The following GRID2 variants were observed in gnomAD, a reference collection of about 807,000 sequenced individuals.
GRID2 encodes the protein glutamate receptor ionotropic, delta-2.
In GRID2, 33 loss-of-function variants were observed where a neutral mutation model predicts 114.8. That is an observed-to-expected ratio of 0.29 (90% CI 0.22 to 0.38). GRID2 has a LOEUF of 0.38. Among genes scored for constraint, GRID2 ranks in the 10% least tolerant of loss-of-function variants. The pLI, the probability that GRID2 is intolerant of heterozygous loss-of-function variation, is 1.00. For synonymous variants in GRID2, 505 were observed against 449.9 expected (o/e 1.12, Z -1.55); for missense variants, 1,184 against 1,257.7 (o/e 0.94, Z 0.89).
chr4:92,559,597 G>A (rs555425176), intron 1 of GRID2, among the ~76,000 whole-genome samples: 4 of 152,138 alleles, frequency 2.6e-5, no homozygotes, highest in African/African-American at 9.7e-5. Context: ...CACAGTCAAA[G>A]CAAGGTATGA....
Position 92,476,832 on chromosome 4 carries a change from A to T in GRID2, c.89-113299A>T, listed in dbSNP as rs556546184. 7.3e-3 allele frequency among the ~76,000 whole-genome samples: 1,116 copies of T among 152,282 alleles called. 12 individuals carry two copies. The highest frequency in any genetic ancestry group is 0.025 in the African/African-American group (1,030 of 41,550). ...TGGTGTTGCATAATGATGGAATTTT[A>T]AAAATATGTCAGTGAAATTCATTTA... On this transcript the variant is annotated intron_variant, in intron 1 of 15. Transcript: ENST00000282020.
intron 1 of GRID2, among the ~76,000 whole-genome samples, chr4:92,401,963 C>G (rs1220667756): frequency 6.6e-6 from 1 of 152,196 alleles, no homozygotes; most frequent in Non-Finnish European, 1.5e-5. Flanking sequence ...TCTCACTGTG[C>G]AGCTGCTTTA....
intron 2 of GRID2, among the ~76,000 whole-genome samples, chr4:93,066,540 A>T (rs963881498): frequency 1.9e-4 from 29 of 152,048 alleles, no homozygotes; most frequent in African/African-American, 7.0e-4. Flanking sequence ...TACATCCGAG[A>T]CTTCTGGTAG....
At chr4:93,222,205 AT>A (rs1292982864) in intron 6 of GRID2, among the ~76,000 whole-genome samples, 2 of 152,130 alleles carry the variant, frequency 1.3e-5, no homozygotes, top group Admixed American at 6.6e-5. Context: ...GGAGGAATTT[AT>A]TTTTTTGTGG....
At chr4:92,345,296 A>C (rs1220934353) in intron 1 of GRID2, among the ~76,000 whole-genome samples, 1 of 152,226 alleles carries the variant, frequency 6.6e-6, no homozygotes, top group Admixed American at 6.5e-5. Flanking sequence ...ATTTCATTCC[A>C]TTTATGGCTG....
intron 1 of GRID2, among the ~76,000 whole-genome samples, chr4:93,796,986 C>G (rs577186480): frequency 2.6e-5 from 4 of 152,290 alleles, no homozygotes; most frequent in Admixed American, 1.3e-4. Flanking sequence ...GGTGTACTTA[C>G]CCAAACCTAG....
chr4:93,689,966 C>T (rs1050816828), intron 14 of GRID2, among the ~76,000 whole-genome samples: 8 of 151,954 alleles, frequency 5.3e-5, no homozygotes, highest in African/African-American at 1.9e-4. Flanking sequence ...TCCTATCACC[C>T]AAAGATAACT....
At chr4:92,741,401 C>T (rs375092917) in intron 2 of GRID2, among the ~76,000 whole-genome samples, 3 of 152,048 alleles carry the variant, frequency 2.0e-5, no homozygotes, top group African/African-American at 7.2e-5. Flanking sequence ...CTTATAGGTC[C>T]CTATTTTAGA....
At chr4:93,320,574 ATATCTAAGGAC>A (rs1254461477) in intron 8 of GRID2, among the ~76,000 whole-genome samples, 1 of 152,096 alleles carries the variant, frequency 6.6e-6, no homozygotes, top group Non-Finnish European at 1.5e-5. Flanking sequence ...GAATTCACAG[ATATCTAAGGAC>A]TATCTATGGA....
At chr4:93,019,420 C>A (rs1723068540) in intron 2 of GRID2, among the ~76,000 whole-genome samples, 1 of 152,058 alleles carries the variant, frequency 6.6e-6, no homozygotes, top group South Asian at 2.1e-4. Flanking sequence ...GTTTAAGAAA[C>A]CCTGAGATAG....
intron 2 of GRID2, among the ~76,000 whole-genome samples, chr4:92,901,738 A>AT (rs1747597199): frequency 6.6e-6 from 1 of 151,764 alleles, no homozygotes. Context: ...ATTTTATTTT[A>AT]TTTTATGATG....
At chr4:92,720,374 G>A (rs910996386) in intron 2 of GRID2, among the ~76,000 whole-genome samples, 8 of 151,916 alleles carry the variant, frequency 5.3e-5, no homozygotes, top group South Asian at 2.1e-4. Flanking sequence ...TTTAAAATAC[G>A]TTTGGTAGAC....
At chr4:92,736,435 T>G (rs1232982183) in intron 2 of GRID2, among the ~76,000 whole-genome samples, 2 of 152,098 alleles carry the variant, frequency 1.3e-5, no homozygotes, top group Non-Finnish European at 2.9e-5. Flanking sequence ...CTTTATAAAA[T>G]TTGTTATAGC....
intron 7 of GRID2, among the ~76,000 whole-genome samples, chr4:93,230,573 C>G (rs1241580892): frequency 6.6e-6 from 1 of 151,850 alleles, no homozygotes; most frequent in Non-Finnish European, 1.5e-5. Context: ...TTAATCTAAC[C>G]TTTTTATTCT....
At position 93,560,240 on chromosome 4, in the gene GRID2, A is replaced by C. The variant is rs1042885686; in HGVS notation, c.2193+44829A>C. The stretch of plus-strand genomic sequence containing the variant: ...CTTAAAGTAAAAAAAAAAAAAAAAA[A>C]AAAAAAAAAAAAACAGAAAGAAATA... On this transcript the variant is annotated intron_variant, in intron 13 of 15. Transcript: ENST00000282020. 8.3e-3 allele frequency among the ~76,000 whole-genome samples: 1,239 copies of C among 149,990 alleles called. 29 individuals carry two copies. Among genetic ancestry groups the C allele is most frequent in the African/African-American group, 0.028 (1,152 of 40,736 alleles).
intron 3 of GRID2, among the ~76,000 whole-genome samples, chr4:93,099,094 C>A (rs1426308317): frequency 6.7e-6 from 1 of 149,190 alleles, no homozygotes; most frequent in Non-Finnish European, 1.5e-5. Flanking sequence ...CTTTTCCATT[C>A]TTAAACCAAA....
At chr4:92,370,942 C>G (rs2110218154) in intron 1 of GRID2, among the ~76,000 whole-genome samples, 1 of 152,100 alleles carries the variant, frequency 6.6e-6, no homozygotes, top group Non-Finnish European at 1.5e-5. Flanking sequence ...TTAAGAACAC[C>G]TGAATGATAA....
intron 4 of GRID2, among the ~76,000 whole-genome samples, chr4:93,156,153 G>A (rs1255638492): frequency 1.3e-5 from 2 of 151,632 alleles, no homozygotes; most frequent in Non-Finnish European, 3.0e-5. Context: ...GAATAAATAT[G>A]TATGAAGTAC....
intron 13 of GRID2, among the ~76,000 whole-genome samples, chr4:93,557,332 A>G (rs549402651): frequency 1.5e-4 from 23 of 152,348 alleles, no homozygotes; most frequent in Middle Eastern, 3.4e-3. Flanking sequence ...AGTGTGCTGT[A>G]TTCAGGAGAC....
Sources: gnomAD v4.1 joint callset for allele counts (sites outside exome capture counted in the v4.1 genomes callset) on GRCh38, gnomAD v4.1.1 for gene constraint, MANE v1.5 for transcripts, NCBI Gene and HGNC (gene_info 2026-07-23, HGNC 2026-07-21) for gene names.